FANCC: variants seen among roughly 807,000 people sequenced by gnomAD.
FANCC encodes the protein FA complementation group C.
In FANCC, 55 loss-of-function variants were observed where a neutral mutation model predicts 71.3. The observed-to-expected ratio is 0.77, with a 90% CI of 0.62 to 0.97. The LOEUF is 0.97. Ranked by LOEUF, FANCC falls within the 50% of genes least tolerant of loss-of-function variation. The pLI is 0.00. For missense variants in FANCC, 678 were observed against 670.9 expected (o/e 1.01, Z -0.12); for synonymous variants, 275 against 244.9 (o/e 1.12, Z -1.15).
chr9:95,218,604 A>G (rs1829027723), intron 4 of FANCC, among the ~76,000 whole-genome samples: 1 of 152,214 alleles, frequency 6.6e-6, no homozygotes, highest in Non-Finnish European at 1.5e-5. Context: ...TAAAAAGATA[A>G]CATTACATGA....
intron 8 of FANCC, 116 bp downstream of exon 8, chr9:95,135,230 A>G (rs1827500528): frequency 2.0e-6 from 2 of 1,008,758 alleles, no homozygotes; most frequent in African/African-American, 3.2e-5. Flanking sequence ...ACGATTATAT[A>G]TAAAGGTTCC....
intron 1 of FANCC, among the ~76,000 whole-genome samples, chr9:95,286,867 T>C (rs1833719345): frequency 6.6e-6 from 1 of 152,184 alleles, no homozygotes; most frequent in East Asian, 1.9e-4. Flanking sequence ...TGAACATATC[T>C]TTATAAATCA....
At chr9:95,154,245 CA>C (rs58720791) in intron 6 of FANCC, among the ~76,000 whole-genome samples, 10,570 of 49,394 alleles carry the variant, frequency 0.21, 147 homozygotes, top group South Asian at 0.27. Context: ...GACTCCGTCT[CA>C]AAAAAAAAAA....
At chr9:95,284,872 A>T (rs1318721439) in intron 1 of FANCC, among the ~76,000 whole-genome samples, 7 of 105,710 alleles carry the variant, frequency 6.6e-5, no homozygotes, top group Non-Finnish European at 1.3e-4. Context: ...ACACACACAC[A>T]CACATACACA....
chr9:95,255,805 A>C (rs1384817516), intron 1 of FANCC, among the ~76,000 whole-genome samples: 1 of 152,098 alleles, frequency 6.6e-6, no homozygotes, highest in East Asian at 1.9e-4. Context: ...ATCTTGAAAA[A>C]AGGTTAGAGG....
intron 6 of FANCC, among the ~76,000 whole-genome samples, chr9:95,159,915 T>C (rs1400947372): frequency 3.3e-5 from 5 of 152,236 alleles, no homozygotes; most frequent in Non-Finnish European, 5.9e-5. Flanking sequence ...TCTTTGTAGA[T>C]TCTGGATATT....
intron 1 of FANCC, among the ~76,000 whole-genome samples, chr9:95,276,367 C>T (rs1833040597): frequency 6.6e-6 from 1 of 152,234 alleles, no homozygotes; most frequent in African/African-American, 2.4e-5. Context: ...AATGGGCCAG[C>T]TTTTCTCTAA....
chr9:95,288,132 A>T (rs1240237459), intron 1 of FANCC, among the ~76,000 whole-genome samples: 3 of 152,206 alleles, frequency 2.0e-5, no homozygotes, highest in Non-Finnish European at 2.9e-5. Context: ...TTTAATTTTA[A>T]TATTAATAAG....
intron 4 of FANCC, among the ~76,000 whole-genome samples, chr9:95,180,488 G>A (rs1826276710): frequency 6.6e-6 from 1 of 151,706 alleles, no homozygotes; most frequent in African/African-American, 2.4e-5. Context: ...TGAATAAGCT[G>A]AGGCTTATTT....
intron 4 of FANCC, among the ~76,000 whole-genome samples, chr9:95,237,131 G>T (rs565972910): frequency 7.3e-4 from 111 of 152,204 alleles, no homozygotes; most frequent in African/African-American, 2.5e-3. Context: ...TATGTTCCTA[G>T]ACATCTTTTT....
At chr9:95,297,349 T>C (rs1834444343) in intron 1 of FANCC, among the ~76,000 whole-genome samples, 1 of 152,194 alleles carries the variant, frequency 6.6e-6, no homozygotes, top group Admixed American at 6.5e-5. Flanking sequence ...TATATTTTGA[T>C]CTCACCATTT....
At chr9:95,206,427 T>G (rs1383252146) in intron 4 of FANCC, among the ~76,000 whole-genome samples, 1 of 152,142 alleles carries the variant, frequency 6.6e-6, no homozygotes, top group Non-Finnish European at 1.5e-5. Context: ...CTTTTTATAA[T>G]CTGTTGCATG....
At chr9:95,284,227 C>T (rs936158939) in intron 1 of FANCC, among the ~76,000 whole-genome samples, 17 of 152,164 alleles carry the variant, frequency 1.1e-4, no homozygotes, top group African/African-American at 3.9e-4. Context: ...ATGTCCTGAA[C>T]GGGCTGTGCA....
chr9:95,115,585 G>A (rs2072335196), intron 11 of FANCC, among the ~76,000 whole-genome samples: 1 of 152,234 alleles, frequency 6.6e-6, no homozygotes. Context: ...CAGTCATCCT[G>A]TGGTTTTAAA....
chr9:95,240,573 C>T lies in FANCC; in HGVS notation c.345+76G>A, dbSNP rs1013113030. 7.3e-6 allele frequency: 8 copies of T among 1,090,602 alleles called. No homozygotes were observed. In the African/African-American group the frequency reaches 1.2e-4, roughly 17 times the overall value. The allele number at this position is 1,090,602 out of a possible 1,614,324, so 67.6% of individuals were successfully genotyped here. A position where few individuals can be genotyped will look rare whatever the true frequency, so the allele number is the denominator to read the frequency against. On this transcript the variant is annotated intron_variant, in intron 4 of 14. Coordinates refer to ENST00000289081, the MANE Select transcript of FANCC (RefSeq NM_000136.3). The stretch of plus-strand genomic sequence containing the variant: ...TCATAGAACTGGATTCCACCCCACC[C>T]CAAAATTTTTTTAAGCAGCACTTTT...
intron 1 of FANCC, among the ~76,000 whole-genome samples, chr9:95,305,117 A>C (rs1834999376): frequency 6.6e-6 from 1 of 152,154 alleles, no homozygotes; most frequent in Admixed American, 6.5e-5. Flanking sequence ...CCAAAAGTCC[A>C]ACAAAAAAAA....
intron 1 of FANCC, among the ~76,000 whole-genome samples, chr9:95,266,496 C>T (rs963607192): frequency 2.0e-5 from 3 of 152,156 alleles, no homozygotes; most frequent in Non-Finnish European, 4.4e-5. Context: ...AGCTCAAACA[C>T]GTTATTTACA....
At chr9:95,252,292 AAAGAAAAAAAAAAG>A (rs1203584662) in intron 1 of FANCC, among the ~76,000 whole-genome samples, 1 of 149,434 alleles carries the variant, frequency 6.7e-6, no homozygotes, top group East Asian at 1.9e-4. Context: ...AAAAAAAAAA[AAAGAAAAAAAAAAG>A]AAACAAAGAA....
intron 1 of FANCC, among the ~76,000 whole-genome samples, chr9:95,298,819 GA>G (rs988783201): frequency 8.5e-5 from 13 of 152,158 alleles, no homozygotes; most frequent in Admixed American, 7.9e-4. Flanking sequence ...ATTTGAAGCG[GA>G]TACCATCTGT....
Sources: allele counts gnomAD v4.1 joint callset (sites outside exome capture counted in the v4.1 genomes callset), GRCh38; gene constraint gnomAD v4.1.1; transcripts MANE v1.5; gene names NCBI Gene and HGNC (gene_info 2026-07-23, HGNC 2026-07-21).